NUP37: variants seen among roughly 807,000 people sequenced by gnomAD.
NUP37 encodes the protein nucleoporin Nup37.
A neutral mutation model predicts 45.4 loss-of-function variants in NUP37; 33 were observed. The observed-to-expected ratio is 0.73, with a 90% CI of 0.55 to 0.97. The LOEUF is 0.97. Ranked by LOEUF, NUP37 falls within the 50% of genes least tolerant of loss-of-function variation. The probability of loss-of-function intolerance (pLI) is 0.00; values close to 1 mark genes in which losing one functional copy is unlikely to be tolerated. For synonymous variants in NUP37, 127 were observed against 130.7 expected (o/e 0.97, Z 0.19); for missense variants, 365 against 389.7 (o/e 0.94, Z 0.53).
intron 6 of NUP37, among the ~76,000 whole-genome samples, chr12:102,078,581 C>T (rs1489349467): frequency 2.0e-5 from 3 of 152,188 alleles, no homozygotes; most frequent in Non-Finnish European, 2.9e-5. Flanking sequence ...AGCACAGACA[C>T]GCCGCTTCCT....
intron 6 of NUP37, among the ~76,000 whole-genome samples, chr12:102,077,748 T>C (rs373217367): frequency 2.6e-5 from 4 of 152,264 alleles, no homozygotes; most frequent in Admixed American, 6.5e-5. Flanking sequence ...CACAAAATTA[T>C]TAAAAAAAGT....
chr12:102,089,803 T>C (rs747800853), intron 5 of NUP37, among the ~76,000 whole-genome samples: 99 of 152,350 alleles, frequency 6.5e-4, no homozygotes, highest in Non-Finnish European at 2.6e-4. Context: ...TAATGCCTTA[T>C]ACGGTCTTCA....
At position 102,090,876 on chromosome 12, in the gene NUP37, G is replaced by A. The variant is rs71466203; in HGVS notation, c.450-5020C>T. On this transcript the variant is annotated intron_variant, in intron 5 of 9. Coordinates refer to ENST00000552283, the MANE Select transcript of NUP37 (RefSeq NM_024057.4). Reference sequence around the variant, plus strand: ...TTGTATATTAAAATAAGGCAGGTAGGCATTCTTTTAAAATGATTTCCTGAG... The same window carrying A: ...TTGTATATTAAAATAAGGCAGGTAGACATTCTTTTAAAATGATTTCCTGAG... Among the ~76,000 whole-genome samples, 1,368 of 152,154 alleles carry A rather than the reference G, an allele frequency of 9.0e-3. 8 individuals are homozygous for A. Among genetic ancestry groups the A allele is most frequent in the Non-Finnish European group, 0.015 (1,049 of 67,998 alleles).
At chr12:102,110,083 AT>A (rs1277103424) in intron 3 of NUP37, among the ~76,000 whole-genome samples, 1 of 152,244 alleles carries the variant, frequency 6.6e-6, no homozygotes, top group Non-Finnish European at 1.5e-5. Context: ...AACATGCAAC[AT>A]CTTCACAACC....
At chr12:102,085,901 C>A (rs1196741703) in intron 5 of NUP37, 45 bp from the exon 6 acceptor site, 2 of 916,380 alleles carry the variant, frequency 2.2e-6, no homozygotes, top group South Asian at 1.6e-5. Context: ...CTTGATATAT[C>A]ATTACTAAAA....
At chr12:102,114,571 G>C (rs574435273) in intron 2 of NUP37, among the ~76,000 whole-genome samples, 49 of 152,294 alleles carry the variant, frequency 3.2e-4, no homozygotes, top group Admixed American at 1.9e-3. Context: ...ATTATACAAG[G>C]TTTCGGCATA....
In NUP37 at chr12:102,077,609, A is replaced by G. The variant is rs182014345; in HGVS notation, c.541-106T>C. 9.1e-4 allele frequency: 1,015 copies of G among 1,118,462 alleles called. 1 individual carries two copies. The highest frequency in any genetic ancestry group is 1.2e-3 in the Non-Finnish European group (952 of 796,424). 69.3% of individuals were successfully genotyped at this position (1,118,462 alleles called of 1,614,324 possible). ...GTACGGTAAAATGTAAACATTTGCA[A>G]TATACAGGTTCAGCATTCCTCATCT... On this transcript the variant is annotated intron_variant, in intron 6 of 9. Coordinates refer to ENST00000552283, the MANE Select transcript of NUP37 (RefSeq NM_024057.4).
At chr12:102,084,272 G>A (rs904513954) in intron 6 of NUP37, among the ~76,000 whole-genome samples, 4 of 152,226 alleles carry the variant, frequency 2.6e-5, no homozygotes, top group Non-Finnish European at 5.9e-5. Context: ...CCTGGCGTAT[G>A]TAAGCACTAC....
Position 102,118,568 on chromosome 12 carries a change from G to A in NUP37, c.-50C>T. The A allele has an allele frequency of 6.4e-7, 1 of 1,553,146 alleles. No individual in the cohort carries two copies. Among genetic ancestry groups the A allele is most frequent in the Non-Finnish European group, 8.7e-7 (1 of 1,144,198 alleles). On this transcript the variant is annotated 5_prime_UTR_variant, in exon 2 of 10. Transcript: ENST00000552283. The stretch of plus-strand genomic sequence containing the variant: ...TGTGAAAATTAAATAGCCTTCTACT[G>A]GACAAGGTCACGAAACTGTGGATTA...
intron 3 of NUP37, among the ~76,000 whole-genome samples, chr12:102,107,937 G>A (rs1452474502): frequency 3.9e-5 from 6 of 152,160 alleles, no homozygotes; most frequent in African/African-American, 1.2e-4. Flanking sequence ...GGGGCACACT[G>A]GCAGCCTCAA....
At chr12:102,083,802 G>A (rs750689837) in intron 6 of NUP37, among the ~76,000 whole-genome samples, 4 of 152,178 alleles carry the variant, frequency 2.6e-5, no homozygotes, top group Non-Finnish European at 5.9e-5. Flanking sequence ...CAAACTAGCA[G>A]TTTCAAGAAG....
intron 3 of NUP37, among the ~76,000 whole-genome samples, chr12:102,101,771 C>T (rs1879978006): frequency 6.6e-6 from 1 of 152,110 alleles, no homozygotes; most frequent in Non-Finnish European, 1.5e-5. Flanking sequence ...GTTGCCCAGG[C>T]TGGAGTGCAG....
intron 6 of NUP37, among the ~76,000 whole-genome samples, chr12:102,080,871 T>A (rs1390480797): frequency 6.6e-6 from 1 of 152,178 alleles, no homozygotes; most frequent in African/African-American, 2.4e-5. Context: ...ATATTTGATA[T>A]TTTAAGAGTG....
At chr12:102,096,649 T>G (rs1879810805) in intron 5 of NUP37, among the ~76,000 whole-genome samples, 1 of 152,186 alleles carries the variant, frequency 6.6e-6, no homozygotes, top group African/African-American at 2.4e-5. Flanking sequence ...ACTGCTCATA[T>G]GATATACTCT....
Position 102,118,533 on chromosome 12 carries a change from T to C in NUP37, c.-15A>G. On this transcript the variant is annotated 5_prime_UTR_variant, in exon 2 of 10. Coordinates refer to ENST00000552283, the MANE Select transcript of NUP37 (RefSeq NM_024057.4). Reference sequence around the variant, plus strand: ...TCTTGCTTCATCTTGTATGTCAAAATTCAAGCAGTTGTGAAAATTAAATAG... The same window carrying C: ...TCTTGCTTCATCTTGTATGTCAAAACTCAAGCAGTTGTGAAAATTAAATAG... 1.9e-6 allele frequency: 3 copies of C among 1,603,022 alleles called. No individual in the cohort carries two copies. Among genetic ancestry groups the C allele is most frequent in the Admixed American group, 1.8e-5 (1 of 56,960 alleles).
At chr12:102,114,511 G>A (rs1226088268) in intron 2 of NUP37, among the ~76,000 whole-genome samples, 1 of 152,172 alleles carries the variant, frequency 6.6e-6, no homozygotes, top group East Asian at 1.9e-4. Flanking sequence ...AAGCAGAATT[G>A]TATAGGCAGG....
At chr12:102,095,579 CATCT>C (rs1879779805) in intron 5 of NUP37, among the ~76,000 whole-genome samples, 1 of 152,076 alleles carries the variant, frequency 6.6e-6, no homozygotes, top group African/African-American at 2.4e-5. Context: ...TTATTAAACA[CATCT>C]ATCAGACGCT....
At chr12:102,089,798 C>A (rs1403418004) in intron 5 of NUP37, among the ~76,000 whole-genome samples, 1 of 152,162 alleles carries the variant, frequency 6.6e-6, no homozygotes, top group African/African-American at 2.4e-5. Context: ...TTTCTTAATG[C>A]CTTATACGGT....
chr12:102,096,069 T>C (rs1197840440), intron 5 of NUP37, among the ~76,000 whole-genome samples: 5 of 152,172 alleles, frequency 3.3e-5, no homozygotes, highest in Non-Finnish European at 5.9e-5. Flanking sequence ...TGCATTATTA[T>C]TCTCTTTGTT....
Sources: allele counts gnomAD v4.1 joint callset (sites outside exome capture counted in the v4.1 genomes callset), GRCh38; gene constraint gnomAD v4.1.1; transcripts MANE v1.5; gene names NCBI Gene and HGNC (gene_info 2026-07-23, HGNC 2026-07-21).